DNM3: variants seen among roughly 807,000 people sequenced by gnomAD.
DNM3 encodes dynamin-3.
DNM3 carries 47 observed loss-of-function variants against 101.6 expected under a neutral mutation model. The ratio of observed to expected loss-of-function variants is 0.46; its 90% confidence interval spans 0.37 to 0.59. The LOEUF is 0.59. DNM3 is among the 20% of genes least tolerant of loss of function. The probability of loss-of-function intolerance (pLI) is 0.00; values close to 1 mark genes in which losing one functional copy is unlikely to be tolerated. For synonymous variants in DNM3, 385 were observed against 387.9 expected (o/e 0.99, Z 0.09); for missense variants, 849 against 1,085.7 (o/e 0.78, Z 3.06).
At chr1:172,285,578 G>A (rs1469252236) in intron 15 of DNM3, among the ~76,000 whole-genome samples, 4 of 152,130 alleles carry the variant, frequency 2.6e-5, no homozygotes, top group South Asian at 2.1e-4. Context: ...AGACAGAGCA[G>A]TAGTATGAAG....
At chr1:172,057,451 C>G (rs1374962621) in intron 10 of DNM3, among the ~76,000 whole-genome samples, 1 of 152,258 alleles carries the variant, frequency 6.6e-6, no homozygotes, top group Non-Finnish European at 1.5e-5. Context: ...AGAGAAAGGT[C>G]GAGTTACCCT....
intron 4 of DNM3, among the ~76,000 whole-genome samples, chr1:172,009,038 A>ATATATATTATATAATATATTATATG (rs2046917908): frequency 1.5e-5 from 2 of 131,614 alleles, no homozygotes. Flanking sequence ...TATACAATAT[A>ATATATATTATATAATATATTATATG]TATTTATATA....
Position 172,201,708 on chromosome 1 carries a change from G to A in DNM3, c.1660-51865G>A, listed in dbSNP as rs2060158597. 2.0e-5 allele frequency among the ~76,000 whole-genome samples: 3 copies of A among 152,202 alleles called. No individual in the cohort carries two copies. In the South Asian group the frequency reaches 6.2e-4, roughly 31 times the overall value. ...GTAGCAAGGGCAGTTCCACTGCAAAGGCAATGGCAGAGAGGCTTTCAGTTG... is the reference window on the plus strand; with the variant it reads ...GTAGCAAGGGCAGTTCCACTGCAAAAGCAATGGCAGAGAGGCTTTCAGTTG... On this transcript the variant is annotated intron_variant, in intron 14 of 20. Coordinates refer to ENST00000627582, the MANE Select transcript of DNM3 (RefSeq NM_015569.5).
At chr1:171,884,148 G>T (rs12140482) in intron 1 of DNM3, among the ~76,000 whole-genome samples, 13,129 of 152,236 alleles carry the variant, frequency 0.086, 753 homozygotes, top group South Asian at 0.23. Flanking sequence ...GTTTCTAGTT[G>T]AAGTAATATC....
At chr1:172,054,222 T>C (rs1052022006) in intron 10 of DNM3, among the ~76,000 whole-genome samples, 3 of 152,236 alleles carry the variant, frequency 2.0e-5, no homozygotes, top group Admixed American at 6.5e-5. Flanking sequence ...GAAAAACATA[T>C]GTGATTTATG....
intron 14 of DNM3, among the ~76,000 whole-genome samples, chr1:172,181,828 A>G (rs1442915658): frequency 6.6e-6 from 1 of 151,168 alleles, no homozygotes; most frequent in African/African-American, 2.4e-5. Context: ...TTTGAAAATA[A>G]ACTGGGGTTA....
intron 15 of DNM3, among the ~76,000 whole-genome samples, chr1:172,271,610 A>G (rs1026319046): frequency 4.6e-5 from 7 of 152,120 alleles, no homozygotes; most frequent in African/African-American, 1.7e-4. Context: ...GCCTTTTAAA[A>G]TTGTGGATCT....
chr1:172,157,799 A>G (rs1344101254), intron 14 of DNM3, among the ~76,000 whole-genome samples: 1 of 152,046 alleles, frequency 6.6e-6, no homozygotes, highest in Non-Finnish European at 1.5e-5. Context: ...ATATGGTGCC[A>G]TTTTATATAA....
At chr1:172,032,048 A>G (rs7537044) in intron 4 of DNM3, among the ~76,000 whole-genome samples, 4,277 of 152,308 alleles carry the variant, frequency 0.028, 222 homozygotes, top group African/African-American at 0.097. Context: ...TAATACATAA[A>G]AATTTCAAAT....
intron 16 of DNM3, among the ~76,000 whole-genome samples, chr1:172,320,523 CACA>C (rs1241467509): frequency 6.6e-6 from 1 of 151,980 alleles, no homozygotes; most frequent in East Asian, 1.9e-4. Flanking sequence ...AGCAAACTAA[CACA>C]ACAACAGAAA....
intron 14 of DNM3, among the ~76,000 whole-genome samples, chr1:172,167,014 C>T (rs1440043934): frequency 2.0e-5 from 3 of 151,756 alleles, no homozygotes; most frequent in Non-Finnish European, 4.4e-5. Flanking sequence ...TGGTGTGCTG[C>T]ACCCATTAAC....
intron 1 of DNM3, among the ~76,000 whole-genome samples, chr1:171,860,350 C>A (rs549176722): frequency 6.6e-6 from 1 of 151,976 alleles, no homozygotes; most frequent in African/African-American, 2.4e-5. Flanking sequence ...AATTTAGCAT[C>A]CAAGTTGAGA....
intron 15 of DNM3, among the ~76,000 whole-genome samples, chr1:172,267,762 G>C (rs1399932622): frequency 1.3e-5 from 2 of 151,772 alleles, no homozygotes; most frequent in Non-Finnish European, 2.9e-5. Context: ...ACCCAGGCTG[G>C]AGTGCAGTGG....
At chr1:172,026,493 G>A (rs981783233) in intron 4 of DNM3, among the ~76,000 whole-genome samples, 2 of 152,030 alleles carry the variant, frequency 1.3e-5, no homozygotes, top group African/African-American at 4.8e-5. Flanking sequence ...GCAACCCCAA[G>A]ACACATAACC....
At chr1:172,309,088 A>G in intron 16 of DNM3, 1 of 385,378 alleles carries the variant, frequency 2.6e-6, no homozygotes, top group Non-Finnish European at 4.6e-6. Flanking sequence ...TAAAACACAT[A>G]TGCAATCTCA....
intron 15 of DNM3, among the ~76,000 whole-genome samples, chr1:172,256,856 A>G (rs1362477128): frequency 2.0e-5 from 3 of 151,128 alleles, no homozygotes; most frequent in Non-Finnish European, 4.4e-5. Flanking sequence ...CAATTTTTGA[A>G]ATTTAACAAT....
chr1:172,402,086 G>C (rs2070532659), intron 20 of DNM3, among the ~76,000 whole-genome samples: 1 of 152,100 alleles, frequency 6.6e-6, no homozygotes, highest in African/African-American at 2.4e-5. Context: ...GCTGTGGAAA[G>C]CTGCAAGAGG....
chr1:171,907,719 C>T (rs991958715), intron 1 of DNM3, among the ~76,000 whole-genome samples: 2 of 152,152 alleles, frequency 1.3e-5, no homozygotes, highest in South Asian at 2.1e-4. Flanking sequence ...CCCTTCAAGT[C>T]GTTACTAAAC....
intron 1 of DNM3, among the ~76,000 whole-genome samples, chr1:171,860,212 A>T (rs533362472): frequency 6.6e-6 from 1 of 152,244 alleles, no homozygotes; most frequent in Admixed American, 6.6e-5. Context: ...TTCCAGTTTA[A>T]TTTTAGTTAC....
Sources: gnomAD v4.1 joint callset for allele counts (sites outside exome capture counted in the v4.1 genomes callset) on GRCh38, gnomAD v4.1.1 for gene constraint, MANE v1.5 for transcripts, NCBI Gene and HGNC (gene_info 2026-07-23, HGNC 2026-07-21) for gene names.